FNDC3B: variants seen among roughly 807,000 people sequenced by gnomAD.
FNDC3B encodes the protein fibronectin type III domain-containing protein 3B.
A neutral mutation model predicts 151.5 loss-of-function variants in FNDC3B; 12 were observed. That is an observed-to-expected ratio of 0.08 (90% confidence interval 0.05 to 0.13). The LOEUF is 0.13. Ranked by LOEUF, FNDC3B falls within the 10% of genes least tolerant of loss-of-function variation. The pLI is 1.00. For synonymous variants in FNDC3B, 528 were observed against 549.0 expected (o/e 0.96, Z 0.54); for missense variants, 1,214 against 1,505.3 (o/e 0.81, Z 3.20).
At chr3:172,281,541 C>T (rs1343030167) in intron 6 of FNDC3B, among the ~76,000 whole-genome samples, 1 of 152,202 alleles carries the variant, frequency 6.6e-6, no homozygotes, top group Non-Finnish European at 1.5e-5. Flanking sequence ...GTTGTGGCTG[C>T]TTCAGTGTAA....
intron 25 of FNDC3B, among the ~76,000 whole-genome samples, chr3:172,387,867 T>C (rs1735800218): frequency 6.6e-6 from 1 of 152,300 alleles, no homozygotes; most frequent in Admixed American, 6.5e-5. Context: ...TTGCCTCTCA[T>C]CTTTGGCTCA....
chr3:172,152,578 C>CT (rs10662326), intron 3 of FNDC3B, among the ~76,000 whole-genome samples: 1,723 of 125,774 alleles, frequency 0.014, 56 homozygotes, highest in African/African-American at 0.047. Context: ...ATGGGAAGGG[C>CT]TTTTTTTTTT....
Position 172,341,185 on chromosome 3 carries a change from T to C in FNDC3B, c.1925T>C (p.Leu642Ser), listed in dbSNP as rs752318201. The change falls in exon 17 of 26, where the codon TTG (leucine) becomes TCG (serine). Residue 642 changes from leucine (L) to serine (S), a missense_variant. Coordinates refer to ENST00000415807, the MANE Select transcript of FNDC3B (RefSeq NM_022763.4). ...TTCACCCACTTGAAACCAGGCACTT[T>C]GTACAAACTCCGAGCATGCTGCATC... ...YTFTHLKPGT[L>S]YKLRACCIST... is the part of the protein sequence containing the mutation. 1 of 1,614,238 alleles carries C rather than the reference T, an allele frequency of 6.2e-7. No homozygotes were observed. Among genetic ancestry groups the C allele is most frequent in the East Asian group, 2.2e-5 (1 of 44,892 alleles).
rs1468410654 is a variant in FNDC3B at position 172,347,295 on chromosome 3, T to G, written c.2448T>G (p.His816Gln). 3 of 1,614,104 alleles carry G rather than the reference T, an allele frequency of 1.9e-6. No individual in the cohort carries two copies. Among genetic ancestry groups the G allele is most frequent in the Non-Finnish European group, 2.5e-6 (3 of 1,179,988 alleles). Residue 816 changes from histidine (H) to glutamine (Q), a missense_variant, in exon 21 of 26, where the codon CAT becomes CAG. Transcript: ENST00000415807. Reference sequence around the variant, plus strand: ...AAGAATCCTTAGAACTCATTTATCATGGGACAGACACCCGTTTTGAAATAA... The same window carrying G: ...AAGAATCCTTAGAACTCATTTATCAGGGGACAGACACCCGTTTTGAAATAA... ...EDEESLELIY[H>Q]GTDTRFEIRD...
chr3:172,330,493 G>T (rs1732589313), intron 12 of FNDC3B, 48 bp from the exon 13 acceptor site: 2 of 1,524,750 alleles, frequency 1.3e-6, no homozygotes, highest in South Asian at 1.2e-5. Flanking sequence ...AAAATGCCAA[G>T]CCTCTTCACA....
chr3:172,311,211 C>T (rs931337163), intron 11 of FNDC3B, among the ~76,000 whole-genome samples: 3 of 152,164 alleles, frequency 2.0e-5, no homozygotes, highest in Non-Finnish European at 4.4e-5. Context: ...CTTGACTGCT[C>T]AGATGATTTT....
rs529094125 is a variant in FNDC3B at position 172,200,437 on chromosome 3, A to C, written c.188-26434A>C. On this transcript the variant is annotated intron_variant, in intron 3 of 25. Coordinates refer to ENST00000415807, the MANE Select transcript of FNDC3B (RefSeq NM_022763.4). ...TGATTTTTTGGCTTTATAATGGTGC[A>C]AATGTGATATGCATTTGGCAAAAAC... is the stretch of plus-strand genomic sequence containing the variant. Among the ~76,000 whole-genome samples, 178 of 152,376 alleles carry C rather than the reference A, an allele frequency of 1.2e-3. 2 individuals are homozygous for C. The highest frequency in any genetic ancestry group is 4.0e-3 in the African/African-American group (165 of 41,598).
chr3:172,218,607 A>G (rs1009283563), intron 3 of FNDC3B, among the ~76,000 whole-genome samples: 12 of 152,244 alleles, frequency 7.9e-5, no homozygotes, highest in Non-Finnish European at 7.3e-5. Context: ...ATCGAGGCAC[A>G]GTGCTAGGTA....
chr3:172,362,835 A>G lies in FNDC3B; in HGVS notation c.2998A>G (p.Arg1000Gly). Residue 1000 changes from arginine to glycine, a missense_variant, in exon 23 of 26, where the codon AGA becomes GGA. Around this residue, in one of 7 missense-constraint regions of FNDC3B, gnomAD observed 284 missense variants for 392.4 expected, o/e 0.72. Coordinates refer to ENST00000415807, the MANE Select transcript of FNDC3B (RefSeq NM_022763.4). ...DIVYTLQLED[R>G]NKRFISIYRG... is the part of the protein sequence containing the mutation. ...TGTGTACACACTACAGCTGGAGGAC[A>G]GAAACAAGAGGTGAGGTGGGGGTGA... The G allele has an allele frequency of 6.2e-7, 1 of 1,613,050 alleles. No homozygotes were observed. The highest frequency in any genetic ancestry group is 8.5e-7 in the Non-Finnish European group (1 of 1,179,418).
chr3:172,076,455 G>A (rs1454981188), intron 1 of FNDC3B, among the ~76,000 whole-genome samples: 2 of 152,148 alleles, frequency 1.3e-5, no homozygotes, highest in Non-Finnish European at 1.5e-5. Context: ...TCAGTTGCAC[G>A]TGATCTTTTA....
chr3:172,048,855 A>T (rs1438258612), intron 1 of FNDC3B, among the ~76,000 whole-genome samples: 2 of 152,236 alleles, frequency 1.3e-5, no homozygotes, highest in Non-Finnish European at 2.9e-5. Flanking sequence ...AATAAGCCGG[A>T]CACAAGAAGA....
intron 5 of FNDC3B, among the ~76,000 whole-genome samples, chr3:172,250,859 C>T (rs945779411): frequency 6.6e-6 from 1 of 152,130 alleles, no homozygotes; most frequent in African/African-American, 2.4e-5. Flanking sequence ...CTCTGTCGCT[C>T]AGGCTGGAGT....
At chr3:172,227,167 C>T (rs1032027686) in intron 4 of FNDC3B, 11 of 427,124 alleles carry the variant, frequency 2.6e-5, no homozygotes, top group African/African-American at 2.2e-4. Flanking sequence ...CTAGACTGTC[C>T]TCTGCCAAGT....
At chr3:172,147,621 T>C (rs1721982972) in intron 3 of FNDC3B, among the ~76,000 whole-genome samples, 1 of 152,174 alleles carries the variant, frequency 6.6e-6, no homozygotes, top group Non-Finnish European at 1.5e-5. Context: ...CAGAATCACC[T>C]GGAGGGCCTG....
chr3:172,069,317 G>A (rs1383313602), intron 1 of FNDC3B, among the ~76,000 whole-genome samples: 3 of 151,974 alleles, frequency 2.0e-5, no homozygotes, highest in African/African-American at 4.8e-5. Context: ...AAATCAAATC[G>A]GATGTTCTTA....
At chr3:172,216,183 GACTTT>G (rs1725967686) in intron 3 of FNDC3B, among the ~76,000 whole-genome samples, 1 of 152,238 alleles carries the variant, frequency 6.6e-6, no homozygotes, top group African/African-American at 2.4e-5. Context: ...TATTTGCAGG[GACTTT>G]ACTTGTTAAA....
At chr3:172,268,599 A>T in intron 6 of FNDC3B, among the ~76,000 whole-genome samples, 1 of 152,212 alleles carries the variant, frequency 6.6e-6, no homozygotes, top group East Asian at 1.9e-4. Flanking sequence ...TGTAGATCAC[A>T]GCTCTCCGTG....
chr3:172,082,753 CTT>C (rs1217180288), intron 1 of FNDC3B, among the ~76,000 whole-genome samples: 1 of 152,134 alleles, frequency 6.6e-6, no homozygotes, highest in Non-Finnish European at 1.5e-5. Flanking sequence ...TTTTATGACT[CTT>C]TGCCTAAAAC....
At chr3:172,383,596 TG>T (rs565682213) in intron 25 of FNDC3B, among the ~76,000 whole-genome samples, 350 of 152,322 alleles carry the variant, frequency 2.3e-3, no homozygotes, top group Non-Finnish European at 3.9e-3. Flanking sequence ...GATTCTGACC[TG>T]GTAGGTCTTG....
Sources: allele counts gnomAD v4.1 joint callset (sites outside exome capture counted in the v4.1 genomes callset), GRCh38; gene constraint gnomAD v4.1.1; regional missense constraint gnomAD v4.1.1; transcripts MANE v1.5; gene names NCBI Gene and HGNC (gene_info 2026-07-23, HGNC 2026-07-21).